Variants in CELF2 observed in about 807,000 individuals in gnomAD.
The protein encoded by CELF2 is CUG triplet repeat RNA-binding protein 2.
Under a neutral mutation model 62.6 loss-of-function variants are expected in CELF2, and 8 were observed. That is an observed-to-expected ratio of 0.13 (90% CI 0.07 to 0.23). The LOEUF is 0.23. CELF2 is among the 10% of genes least tolerant of loss of function. CELF2 has a pLI of 1.00. For synonymous variants in CELF2, 258 were observed against 250.0 expected (o/e 1.03, Z -0.30); for missense variants, 333 against 671.0 (o/e 0.50, Z 5.56).
chr10:10,576,484 T>G, the CELF2 span, among the ~76,000 whole-genome samples: 6 of 152,272 alleles, frequency 3.9e-5, no homozygotes, highest in Non-Finnish European at 7.4e-5. Context: ...GACTTCCCAG[T>G]GTATAGGTAA....
chr10:11,032,145 C>CCAAAAAAAAAAAAA, intron 1 of CELF2, among the ~76,000 whole-genome samples: 2 of 29,820 alleles, frequency 6.7e-5, no homozygotes, highest in Non-Finnish European at 8.9e-5. Flanking sequence ...TAGGGCTTAG[C>CCAAAAAAAAAAAAA]CAAAAAAAAA....
intron 10 of CELF2, among the ~76,000 whole-genome samples, chr10:11,320,665 T>G (rs544207931): frequency 1.3e-5 from 2 of 152,024 alleles, no homozygotes; most frequent in African/African-American, 4.8e-5. Flanking sequence ...GTTCCGAGAG[T>G]ACAGAACTTG....
rs1372383291 is a variant in CELF2, at chr10:11,318,816, G to A, written c.1097-2373G>A. ...GTCCCAGTGACCACTGCCATAAAAT[G>A]CCACCTGTGTATCTGGCACTCTGGA... On this transcript the variant is annotated intron_variant, in intron 10 of 12. Coordinates refer to ENST00000633077, the MANE Select transcript of CELF2 (RefSeq NM_001326342.2). The surrounding 1 kb of genome is among the most constrained non-coding windows in gnomAD (Gnocchi z 5.4). 1 of 471,188 alleles carries A rather than the reference G, an allele frequency of 2.1e-6. No individual in the cohort carries two copies. The highest frequency in any genetic ancestry group is 4.4e-6 in the Non-Finnish European group (1 of 227,080). The allele number at this position is 471,188 out of a possible 1,614,324, so 29.2% of individuals were successfully genotyped here.
Position 10,852,517 on chromosome 10 carries a change from G to T in CELF2, c.53+53700G>T, listed in dbSNP as rs111382839. On this transcript the variant is annotated intron_variant, in intron 1 of 13. Transcript: ENST00000636488. Reference sequence around the variant, plus strand: ...GAATGCTTGTGGTGGTAGAATTGTTGTGTATCTTGACTGGGTGGTAGATAC... The same window carrying T: ...GAATGCTTGTGGTGGTAGAATTGTTTTGTATCTTGACTGGGTGGTAGATAC... Among the ~76,000 whole-genome samples the T allele has an allele frequency of 3.6e-3, 550 of 152,290 alleles. 5 individuals are homozygous for T. Among genetic ancestry groups the T allele is most frequent in the South Asian group, 0.013 (61 of 4,816 alleles).
chr10:11,053,617 T>C (rs894710897), intron 1 of CELF2, among the ~76,000 whole-genome samples: 3 of 148,482 alleles, frequency 2.0e-5, no homozygotes, highest in African/African-American at 2.5e-5. Flanking sequence ...TATTTCTTTT[T>C]TTTTTTTTTT....
chr10:11,078,496 T>C (rs1024583865), intron 1 of CELF2, among the ~76,000 whole-genome samples: 1 of 152,214 alleles, frequency 6.6e-6, no homozygotes, highest in Non-Finnish European at 1.5e-5. Context: ...ATTTTAATGC[T>C]TGACCCATTT....
chr10:10,767,891 G>A, the CELF2 span, among the ~76,000 whole-genome samples: 90 of 133,398 alleles, frequency 6.7e-4, 2 homozygotes, highest in African/African-American at 2.5e-3. Flanking sequence ...AGCTACTCGG[G>A]AGGCTGAGGC....
the CELF2 span, among the ~76,000 whole-genome samples, chr10:10,607,867 A>C: frequency 6.6e-6 from 1 of 152,104 alleles, no homozygotes; most frequent in Non-Finnish European, 1.5e-5. Flanking sequence ...GAGGCAGGAG[A>C]ATCACTTGAA....
chr10:10,798,962 G>A, intron 1 of CELF2: 1 of 396,970 alleles, frequency 2.5e-6, no homozygotes, highest in Non-Finnish European at 4.4e-6. Flanking sequence ...CTAGTGGGAA[G>A]ACTGTTCGGA....
chr10:10,590,665 A>G, the CELF2 span, among the ~76,000 whole-genome samples: 97,097 of 152,004 alleles, frequency 0.64, 34,291 homozygotes, highest in South Asian at 0.86. Context: ...TGCCTTCCTG[A>G]CCAAGCTCTG....
At chr10:10,765,651 G>A in the CELF2 span, among the ~76,000 whole-genome samples, 1 of 152,134 alleles carries the variant, frequency 6.6e-6, no homozygotes, top group African/African-American at 2.4e-5. Context: ...AAGGTTGAGG[G>A]AACAACCGAC....
intron 1 of CELF2, among the ~76,000 whole-genome samples, chr10:10,825,112 A>G (rs958482237): frequency 5.3e-5 from 8 of 152,216 alleles, no homozygotes; most frequent in Non-Finnish European, 1.0e-4. Flanking sequence ...GGAGATGACT[A>G]TGGTAGGATC....
At chr10:10,489,763 C>T in the CELF2 span, among the ~76,000 whole-genome samples, 6 of 150,616 alleles carry the variant, frequency 4.0e-5, no homozygotes, top group South Asian at 2.1e-4. Flanking sequence ...TAAAACAAAA[C>T]GTGACGAAAA....
At chr10:11,326,084 A>G (rs2095709067) in intron 12 of CELF2, 105 bp downstream of exon 12, 1 of 1,135,940 alleles carries the variant, frequency 8.8e-7, no homozygotes, top group Non-Finnish European at 1.2e-6. Flanking sequence ...CCTTCCCCAC[A>G]TTGTGTTGGG....
chr10:11,057,131 A>T (rs963376228), intron 1 of CELF2, among the ~76,000 whole-genome samples: 2 of 152,148 alleles, frequency 1.3e-5, no homozygotes, highest in Non-Finnish European at 2.9e-5. Flanking sequence ...CCTGATGAAA[A>T]ATCAACCTCC....
At chr10:11,209,759 C>T (rs1044543353) in intron 2 of CELF2, among the ~76,000 whole-genome samples, 3 of 147,964 alleles carry the variant, frequency 2.0e-5, no homozygotes, top group African/African-American at 7.6e-5. Flanking sequence ...CAAAATGCCC[C>T]ACTTAGATCC....
At chr10:11,104,195 T>C (rs1227223456) in intron 1 of CELF2, among the ~76,000 whole-genome samples, 1 of 152,222 alleles carries the variant, frequency 6.6e-6, no homozygotes, top group Non-Finnish European at 1.5e-5. Context: ...TTAAAGAATG[T>C]TAGCCTGATG....
At chr10:10,581,123 T>G in the CELF2 span, among the ~76,000 whole-genome samples, 67 of 152,334 alleles carry the variant, frequency 4.4e-4, 1 homozygote, top group Non-Finnish European at 1.8e-4. Flanking sequence ...TGTCAGTGTT[T>G]GCACATAATA....
intron 1 of CELF2, among the ~76,000 whole-genome samples, chr10:11,025,239 G>GTGTGTGTGTGTGTATATATATA (rs61580670): frequency 1.6e-4 from 22 of 141,084 alleles, no homozygotes; most frequent in African/African-American, 4.9e-4. Flanking sequence ...GTGTGTGTGT[G>GTGTGTGTGTGTGTATATATATA]TATATGTATG....
Sources: allele counts gnomAD v4.1 joint callset (sites outside exome capture counted in the v4.1 genomes callset), GRCh38; gene constraint gnomAD v4.1.1; non-coding constraint Gnocchi (gnomAD v3.1); transcripts MANE v1.5; gene names NCBI Gene and HGNC (gene_info 2026-07-23, HGNC 2026-07-21).